BLTP1: variants seen among roughly 807,000 people sequenced by gnomAD.
BLTP1 encodes the protein bridge-like lipid transfer protein family member 1.
At chr4:122,248,143 T>G in the BLTP1 span, 1 of 983,950 alleles carries the variant, frequency 1.0e-6, no homozygotes, top group South Asian at 4.7e-5. Context: ...ATCCCAGGTG[T>G]GAGGCTGAAA....
the BLTP1 span, among the ~76,000 whole-genome samples, chr4:122,240,693 T>G: frequency 2.0e-5 from 3 of 152,214 alleles, no homozygotes; most frequent in Non-Finnish European, 2.9e-5. Flanking sequence ...AATGATGTTC[T>G]TTTTATTAAT....
chr4:122,281,682 C>T, the BLTP1 span: 1 of 1,612,840 alleles, frequency 6.2e-7, no homozygotes, highest in African/African-American at 1.3e-5. Flanking sequence ...AAATTCAGTG[C>T]CATGTTAGAT....
At chr4:122,246,015 A>T in the BLTP1 span, 1 of 936,204 alleles carries the variant, frequency 1.1e-6, no homozygotes, top group Non-Finnish European at 1.4e-6. Flanking sequence ...TTTGGATTTT[A>T]AGGTGGGATA....
the BLTP1 span, among the ~76,000 whole-genome samples, chr4:122,181,698 A>C: frequency 6.6e-6 from 1 of 151,786 alleles, no homozygotes; most frequent in Non-Finnish European, 1.5e-5. Flanking sequence ...GAGTAATGGT[A>C]GACCGATAAT....
the BLTP1 span, chr4:122,249,243 G>A: frequency 1.8e-6 from 1 of 548,716 alleles, no homozygotes; most frequent in Non-Finnish European, 2.3e-6. Flanking sequence ...AGAGTATCCT[G>A]TAATCATTCA....
the BLTP1 span, chr4:122,357,049 C>T: frequency 2.0e-6 from 2 of 981,466 alleles, no homozygotes; most frequent in Non-Finnish European, 2.4e-6. Flanking sequence ...GAAAATACTG[C>T]AAATCAAAGT....
At chr4:122,286,655 CT>C in the BLTP1 span, 2 of 1,614,122 alleles carry the variant, frequency 1.2e-6, no homozygotes, top group Non-Finnish European at 1.7e-6. Context: ...AACCTTCCCC[CT>C]GTTACCATGT....
chr4:122,269,006 T>C, the BLTP1 span: 1 of 483,828 alleles, frequency 2.1e-6, no homozygotes, highest in African/African-American at 2.1e-5. Context: ...AGACTTGTTA[T>C]TTAAGTAAAC....
chr4:122,200,908 G>A, the BLTP1 span: 15 of 1,474,442 alleles, frequency 1.0e-5, no homozygotes, highest in Middle Eastern at 1.8e-4. Flanking sequence ...GTAGGAAAAT[G>A]TTTTAATTAC....
chr4:122,230,100 G>A, the BLTP1 span: 1 of 1,614,068 alleles, frequency 6.2e-7, no homozygotes, highest in Non-Finnish European at 8.5e-7. Flanking sequence ...CTTGAAGCTG[G>A]GTCAGCCAAT....
chr4:122,264,261 C>A, the BLTP1 span: 1 of 1,599,124 alleles, frequency 6.3e-7, no homozygotes, highest in Non-Finnish European at 8.5e-7. Context: ...GGTGTTGCAC[C>A]CAATCTTCCA....
the BLTP1 span, chr4:122,196,584 G>T: frequency 6.3e-5 from 90 of 1,438,332 alleles, no homozygotes; most frequent in Non-Finnish European, 8.0e-5. Context: ...TTTATCAGAA[G>T]TAATTTTGTT....
At chr4:122,213,928 TGAA>T in the BLTP1 span, among the ~76,000 whole-genome samples, 24 of 152,274 alleles carry the variant, frequency 1.6e-4, no homozygotes, top group African/African-American at 5.3e-4. Flanking sequence ...TTTTTGTTAA[TGAA>T]GAAAAATAAA....
chr4:122,243,263 C>T, the BLTP1 span, among the ~76,000 whole-genome samples: 1 of 152,190 alleles, frequency 6.6e-6, no homozygotes, highest in Admixed American at 6.5e-5. Flanking sequence ...ATTAAACATG[C>T]TGTAACTTGG....
chr4:122,329,636 C>T, the BLTP1 span, among the ~76,000 whole-genome samples: 15 of 150,932 alleles, frequency 9.9e-5, no homozygotes, highest in Non-Finnish European at 1.3e-4. Context: ...ACGTTGCCTT[C>T]GTAAAAACTA....
At chr4:122,346,789 GT>G in the BLTP1 span, 1 of 1,603,982 alleles carries the variant, frequency 6.2e-7, no homozygotes, top group South Asian at 1.1e-5. Context: ...TTTAATTTTG[GT>G]TACTGTAGCA....
chr4:122,236,804 T>C, the BLTP1 span: 1 of 984,428 alleles, frequency 1.0e-6, no homozygotes, highest in Non-Finnish European at 1.2e-6. Flanking sequence ...CTGTATCTCT[T>C]GGTGATTCTC....
At chr4:122,347,492 TTTTTGTTTG>T in the BLTP1 span, 3 of 1,588,698 alleles carry the variant, frequency 1.9e-6, no homozygotes, top group East Asian at 4.5e-5. Flanking sequence ...TACTTTGGAT[TTTTTGTTTG>T]TTTTGTTTGT....
the BLTP1 span, among the ~76,000 whole-genome samples, chr4:122,213,487 A>G: frequency 1.3e-5 from 2 of 152,092 alleles, no homozygotes; most frequent in African/African-American, 4.8e-5. Context: ...ATTTTCATGT[A>G]TACATGAAAA....
Sources: gnomAD v4.1 joint callset for allele counts (sites outside exome capture counted in the v4.1 genomes callset) on GRCh38, gnomAD v4.1.1 for gene constraint, MANE v1.5 for transcripts, NCBI Gene and HGNC (gene_info 2026-07-23, HGNC 2026-07-21) for gene names.